Variants in CHD8 observed in about 807,000 individuals in gnomAD.
CHD8 encodes the protein ATP-dependent chromatin remodeler CHD8.
In CHD8, 31 loss-of-function variants were observed where a neutral mutation model predicts 279.2. The observed-to-expected ratio is 0.11, with a 90% CI of 0.08 to 0.15. The LOEUF is 0.15. Among genes scored for constraint, CHD8 ranks in the 10% least tolerant of loss-of-function variants. CHD8 has a pLI of 1.00. For synonymous variants in CHD8, 1,081 were observed against 1,139.6 expected, an observed-to-expected ratio of 0.95 and a Z score of 1.04; for missense variants, 2,146 against 3,230.5, an observed-to-expected ratio of 0.66 and a Z score of 8.14.
intron 5 of CHD8, among the ~76,000 whole-genome samples, chr14:21,424,850 A>C (rs1889235295): frequency 6.6e-6 from 1 of 152,204 alleles, no homozygotes; most frequent in Admixed American, 6.5e-5. Context: ...ATTATGAAAG[A>C]GGGGAGGCAC....
intron 37 of CHD8, among the ~76,000 whole-genome samples, chr14:21,388,625 G>C (rs1305454451): frequency 6.6e-6 from 1 of 152,106 alleles, no homozygotes; most frequent in Non-Finnish European, 1.5e-5. Context: ...CCACATAGCT[G>C]ATACTAGAGG....
intron 5 of CHD8, among the ~76,000 whole-genome samples, chr14:21,421,233 A>G (rs1421472256): frequency 6.6e-6 from 1 of 152,170 alleles, no homozygotes; most frequent in Non-Finnish European, 1.5e-5. Flanking sequence ...CCTTCCAGAA[A>G]AAAATGGATG....
chr14:21,455,472 C>T (rs547496633), intron 1 of CHD8, among the ~76,000 whole-genome samples: 1 of 152,136 alleles, frequency 6.6e-6, no homozygotes, highest in South Asian at 2.1e-4. Flanking sequence ...CTCTTCCCAC[C>T]ATCTCTAAAC....
At chr14:21,413,039 T>C (rs778266400) in intron 9 of CHD8, 43 bp from the exon 10 acceptor site, 16 of 1,217,002 alleles carry the variant, frequency 1.3e-5, no homozygotes, top group Non-Finnish European at 1.8e-5. Flanking sequence ...AAAAGATCAC[T>C]GTCCAGTAAA....
chr14:21,448,810 G>A (rs1326043688), intron 1 of CHD8, among the ~76,000 whole-genome samples: 3 of 150,570 alleles, frequency 2.0e-5, no homozygotes, highest in South Asian at 2.1e-4. Context: ...TGATCCACCC[G>A]CCTCGCCCTC....
intron 1 of CHD8, among the ~76,000 whole-genome samples, chr14:21,447,063 C>A (rs1419555947): frequency 6.6e-6 from 1 of 152,174 alleles, no homozygotes; most frequent in Non-Finnish European, 1.5e-5. Flanking sequence ...GGTTTCTGAG[C>A]CAAAGCAATG....
chr14:21,430,217 T>G (rs1317847155), intron 2 of CHD8: 2 of 155,558 alleles, frequency 1.3e-5, no homozygotes, highest in Non-Finnish European at 2.8e-5. Flanking sequence ...TGAGAGACAT[T>G]GTGCCTGGCT....
chr14:21,387,921 T>C (rs11624716), intron 37 of CHD8, among the ~76,000 whole-genome samples: 123,848 of 152,046 alleles, frequency 0.81, 51,609 homozygotes, highest in South Asian at 0.91. Context: ...GCAGAAGTAC[T>C]TGAGGTAAAA....
In CHD8 at chr14:21,402,275, T is replaced by A; in HGVS notation, c.3882+61A>T. On this transcript the variant is annotated intron_variant, in intron 19 of 37. Transcript: ENST00000646647. This position sits in a 1 kb window ranked among gnomAD's most constrained non-coding sequence, Gnocchi z 4.5. ...AGTCAAATCCCTGTGTACAAATAGC[T>A]TTTGTTTCCCTCTATCACAATGATC... The A allele has an allele frequency of 1.3e-6, 2 of 1,585,548 alleles. No homozygotes were observed. The highest frequency in any genetic ancestry group is 1.7e-6 in the Non-Finnish European group (2 of 1,155,128).
Position 21,394,069 on chromosome 14 carries a change from C to T in CHD8, c.5726G>A (p.Arg1909Gln), listed in dbSNP as rs776273571. Residue 1909 changes from arginine to glutamine, a missense_variant, in exon 32 of 38, where the codon CGG becomes CAG. Arg to Gln is a conservative substitution (Grantham distance 43). Coordinates refer to ENST00000646647, the MANE Select transcript of CHD8 (RefSeq NM_001170629.2). The stretch of plus-strand genomic sequence containing the variant: ...ACCAGGAGGCTGACACAATGCCAGC[C>T]GATCTTCCAAAAGGGGGTGGCATAA... ...QVLCHPLLED[R>Q]LALCQPPGPE... 10 of 1,613,886 alleles carry T rather than the reference C, an allele frequency of 6.2e-6. No homozygotes were observed. The highest frequency in any genetic ancestry group is 2.2e-5 in the South Asian group (2 of 91,066).
chr14:21,434,885 C>T (rs1483957277), intron 1 of CHD8, among the ~76,000 whole-genome samples: 2 of 152,302 alleles, frequency 1.3e-5, no homozygotes, highest in African/African-American at 4.8e-5. Flanking sequence ...GCTATATCCA[C>T]ATACGGCCTA....
chr14:21,429,518 T>C (rs1889475529), intron 2 of CHD8, 183 bp from the exon 3 acceptor site: 1 of 761,066 alleles, frequency 1.3e-6, no homozygotes, highest in African/African-American at 1.7e-5. Context: ...TTAGACAGGG[T>C]CTCGCTGTAT....
rs764937257 is a variant in CHD8 at position 21,400,402 on chromosome 14, T to C, written c.4570+11A>G. ...CTATAGAAAAACATAAAGTAAAGAG[T>C]TGATAATTACCTGAATGATTCTGCA... On this transcript the variant is annotated intron_variant, in intron 23 of 37. Coordinates refer to ENST00000646647, the MANE Select transcript of CHD8 (RefSeq NM_001170629.2). This position sits in a 1 kb window ranked among gnomAD's most constrained non-coding sequence, Gnocchi z 4.2. 38 of 1,598,544 alleles carry C rather than the reference T, an allele frequency of 2.4e-5. No homozygotes were observed. The East Asian group carries it at 6.0e-4, about 25-fold the overall frequency.
At chr14:21,455,730 A>G (rs1315177304) in intron 1 of CHD8, among the ~76,000 whole-genome samples, 1 of 151,254 alleles carries the variant, frequency 6.6e-6, no homozygotes, top group African/African-American at 2.4e-5. Context: ...GCCGCCTCCA[A>G]TCTACACTAC....
intron 1 of CHD8, among the ~76,000 whole-genome samples, chr14:21,450,189 T>G (rs1594396570): frequency 6.6e-6 from 1 of 152,222 alleles, no homozygotes; most frequent in East Asian, 1.9e-4. Flanking sequence ...CCATTAGTGC[T>G]GTTTACTTAG....
rs777117795 is a variant in CHD8, at chr14:21,408,721, G to A, written c.2469C>T (p.Leu823=). 10 of 1,611,204 alleles carry A rather than the reference G, an allele frequency of 6.2e-6. No homozygotes were observed. The South Asian group carries it at 9.9e-5, about 16-fold the overall frequency. Residue 823 remains leucine, a synonymous_variant, in exon 12 of 38, where the codon CTC becomes CTT. Transcript: ENST00000646647. The surrounding 1 kb of genome is among the most constrained non-coding windows in gnomAD (Gnocchi z 4.3). ...TCCTTTACCTGTTATACCAATTAAAGAGCAGCCAATTAACCCCTTCCAACT... is the reference window on the plus strand; with the variant it reads ...TCCTTTACCTGTTATACCAATTAAAAAGCAGCCAATTAACCCCTTCCAACT... The part of the protein sequence containing the change: ...EYQLEGVNWL[L]FNWYNRQNCI...
Position 21,392,688 on chromosome 14 carries a change from A to G in CHD8, c.6590T>C (p.Leu2197Ser). The G allele has an allele frequency of 6.2e-7, 1 of 1,613,984 alleles. No individual in the cohort carries two copies. The highest frequency in any genetic ancestry group is 1.1e-5 in the South Asian group (1 of 91,078). The change falls in exon 34 of 38, where the codon TTG (leucine) becomes TCG (serine). Residue 2197 changes from leucine to serine, a missense_variant. By Grantham distance (145) the Leu-to-Ser change is moderately radical. Around this residue, in one of 26 missense-constraint regions of CHD8, gnomAD observed 513 missense variants for 637.6 expected, o/e 0.80. Coordinates refer to ENST00000646647, the MANE Select transcript of CHD8 (RefSeq NM_001170629.2). ...TGGILGPGNH[L>S]LDSPSLTPGE... The stretch of plus-strand genomic sequence containing the variant: ...AGGAGTCAATGAGGGACTGTCTAGC[A>G]AGTGGTTGCCTGGCCCCAAAATTCC...
intron 1 of CHD8, among the ~76,000 whole-genome samples, chr14:21,441,677 A>G (rs993655544): frequency 6.6e-6 from 1 of 152,116 alleles, no homozygotes; most frequent in Non-Finnish European, 1.5e-5. Flanking sequence ...TCACGAGGTC[A>G]GGAGATGGAG....
Position 21,393,171 on chromosome 14 carries a change from C to T in CHD8, c.6403G>A (p.Gly2135Arg), listed in dbSNP as rs1353999175. ...MSQDGFPNEDGEQMTPELLLL... is the reference protein window; with the variant it reads ...MSQDGFPNEDREQMTPELLLL... ...AGAAGCTCAGGGGTCATTTGTTCTC[C>T]ATCTTCATTTGGGAATCCATCTTGG... Residue 2135 changes from glycine to arginine, a missense_variant, in exon 33 of 38, where the codon GGA becomes AGA. Around this residue, in one of 26 missense-constraint regions of CHD8, gnomAD observed 513 missense variants for 637.6 expected, o/e 0.80. Transcript: ENST00000646647. 7.4e-6 allele frequency: 12 copies of T among 1,613,830 alleles called. No individual in the cohort carries two copies. The highest frequency in any genetic ancestry group is 1.0e-5 in the Non-Finnish European group (12 of 1,179,886).
Sources: gnomAD v4.1 joint callset for allele counts (sites outside exome capture counted in the v4.1 genomes callset) on GRCh38, gnomAD v4.1.1 for gene constraint, gnomAD v4.1.1 regional missense constraint, Gnocchi (gnomAD v3.1) non-coding constraint, MANE v1.5 for transcripts, NCBI Gene and HGNC (gene_info 2026-07-23, HGNC 2026-07-21) for gene names.